WDR90: variants seen among roughly 807,000 people sequenced by gnomAD.
The protein encoded by WDR90 is WD repeat domain 90.
Under a neutral mutation model 195.2 loss-of-function variants are expected in WDR90, and 238 were observed. The observed-to-expected ratio is 1.22, with a 90% CI of 1.10 to 1.36. The LOEUF (loss-of-function observed/expected upper bound fraction) is 1.36, where lower values mean the gene tolerates loss of function less well. WDR90 is among the 40% of genes most tolerant of loss of function. The pLI is 0.00. For missense variants in WDR90, 2,734 were observed against 2,439.5 expected, an observed-to-expected ratio of 1.12 and a Z score of -2.54; for synonymous variants, 1,265 against 1,052.4, an observed-to-expected ratio of 1.20 and a Z score of -3.91.
In WDR90 at chr16:659,076, C is replaced by T. The variant is rs757221029; in HGVS notation, c.3012-10C>T. 1 of 1,613,196 alleles carries T rather than the reference C, an allele frequency of 6.2e-7. No individual in the cohort carries two copies. Among genetic ancestry groups the T allele is most frequent in the Non-Finnish European group, 8.5e-7 (1 of 1,179,978 alleles). ...AGGCCCTCCTGAAACCCTCTCTCCT[C>T]CCTCTCCAGCGACCAAAGCTTCCCC... On this transcript the variant is annotated splice_polypyrimidine_tract_variant and intron_variant, in intron 24 of 40. Transcript: ENST00000293879.
intron 19 of WDR90, 73 bp from the exon 20 acceptor site, chr16:657,018 G>C: frequency 6.4e-7 from 1 of 1,570,702 alleles, no homozygotes; most frequent in Non-Finnish European, 8.6e-7. Context: ...AGGCTGGTTG[G>C]CTGGAGGTCG....
rs375941033 is a variant in WDR90 at position 666,210 on chromosome 16, A to G, written c.4610-10A>G. ...GGCTGGGGGCTCACAGGGTGACGGC[A>G]TGGTCCCAGGTCAGACTGTCCTCTC... On this transcript the variant is annotated splice_polypyrimidine_tract_variant and intron_variant, in intron 36 of 40. Coordinates refer to ENST00000293879, the MANE Select transcript of WDR90 (RefSeq NM_145294.5). 6.2e-7 allele frequency: 1 copy of G among 1,609,396 alleles called. No individual in the cohort carries two copies. Among genetic ancestry groups the G allele is most frequent in the Admixed American group, 1.7e-5 (1 of 59,942 alleles).
At chr16:650,739 A>G (rs2037628664) in intron 5 of WDR90, 30 bp downstream of exon 5, 6 of 1,595,330 alleles carry the variant, frequency 3.8e-6, no homozygotes, top group African/African-American at 2.7e-5. Context: ...TCCCCACTCC[A>G]TATCTCACCC....
rs918186176 is a variant in WDR90 at position 652,145 on chromosome 16, C to T, written c.1053+106C>T. The T allele has an allele frequency of 4.5e-6, 6 of 1,319,496 alleles. No homozygotes were observed. In the African/African-American group the frequency reaches 8.8e-5, roughly 19 times the overall value. 81.7% of individuals were successfully genotyped at this position (1,319,496 alleles called of 1,614,324 possible). ...GAACGGATGTGCCTCCAACGGTCTCCTCTTGTTCAGCCTCCTGGCAAGGAG... is the reference window on the plus strand; with the variant it reads ...GAACGGATGTGCCTCCAACGGTCTCTTCTTGTTCAGCCTCCTGGCAAGGAG... On this transcript the variant is annotated intron_variant, in intron 9 of 40. Transcript: ENST00000293879.
rs768075938 is a variant in WDR90, at chr16:665,684, C to T, written c.4317C>T (p.Asn1439=). 2.0e-5 allele frequency: 33 copies of T among 1,612,544 alleles called. No homozygotes were observed. The highest frequency in any genetic ancestry group is 1.9e-4 in the South Asian group (17 of 91,096). ...RLISGHRSKV[N]EVVFSPGESH... ...CTAGCTACGGCTTCCCCCAGGTGAA[C>T]GAGGTGGTCTTCAGCCCCGGGGAGT... Residue 1439 remains asparagine, a synonymous_variant, in exon 35 of 41, where the codon AAC becomes AAT. Coordinates refer to ENST00000293879, the MANE Select transcript of WDR90 (RefSeq NM_145294.5).
intron 27 of WDR90, 191 bp from the exon 28 acceptor site, chr16:660,421 G>C: frequency 1.5e-6 from 1 of 657,592 alleles, no homozygotes; most frequent in South Asian, 1.9e-5. Flanking sequence ...AGAGCCCCAC[G>C]GGCCTGTGCC....
chr16:651,262 G>T lies in WDR90; in HGVS notation c.732G>T (p.Glu244Asp). The change falls in exon 7 of 41, where the codon GAG becomes GAT. Residue 244 changes from glutamate (E) to aspartate (D), a missense_variant. Coordinates refer to ENST00000293879, the MANE Select transcript of WDR90 (RefSeq NM_145294.5). The stretch of plus-strand genomic sequence containing the variant: ...TTGAGAAGAGCTGTTCCCCTCCTGA[G>T]GCAGGTGGGTCTGGGGGGTCAGCGG... ...KPIEKSCSPP[E>D]AVLLGPGPQP... 1 of 1,613,118 alleles carries T rather than the reference G, an allele frequency of 6.2e-7. No homozygotes were observed.
Position 655,905 on chromosome 16 carries a change from C to A in WDR90, c.1966+16C>A. 6.3e-7 allele frequency: 1 copy of A among 1,581,374 alleles called. No individual in the cohort carries two copies. Among genetic ancestry groups the A allele is most frequent in the Non-Finnish European group, 8.6e-7 (1 of 1,168,368 alleles). ...CTGGAGGCAGGTGATGCTGTGGGCACGCTCTCCCAACTCCGGGAGAGCCTC... is the reference window on the plus strand; with the variant it reads ...CTGGAGGCAGGTGATGCTGTGGGCAAGCTCTCCCAACTCCGGGAGAGCCTC... On this transcript the variant is annotated intron_variant, in intron 17 of 40. Coordinates refer to ENST00000293879, the MANE Select transcript of WDR90 (RefSeq NM_145294.5).
At chr16:665,362 C>T (rs1401912688) in intron 34 of WDR90, 1 of 551,292 alleles carries the variant, frequency 1.8e-6, no homozygotes, top group African/African-American at 2.0e-5. Context: ...TCCTGTCTTT[C>T]AGCCTCAGTC....
In WDR90 at chr16:655,296, A is replaced by G. The variant is rs777406856; in HGVS notation, c.1557-11A>G. On this transcript the variant is annotated splice_polypyrimidine_tract_variant and intron_variant, in intron 14 of 40. Coordinates refer to ENST00000293879, the MANE Select transcript of WDR90 (RefSeq NM_145294.5). The stretch of plus-strand genomic sequence containing the variant: ...CGAGCTGCGGCAGTGCTCAGTCCTC[A>G]TTCCTTGCAGGATGGCGTCGTGCGG... The G allele has an allele frequency of 1.9e-6, 3 of 1,608,072 alleles. No individual in the cohort carries two copies. Among genetic ancestry groups the G allele is most frequent in the Non-Finnish European group, 2.5e-6 (3 of 1,179,738 alleles).
rs1427333889 is a variant in WDR90, at chr16:649,825, G to T, written c.73G>T (p.Ala25Ser). The T allele has an allele frequency of 3.8e-6, 6 of 1,582,572 alleles. No homozygotes were observed. The highest frequency in any genetic ancestry group is 5.2e-6 in the Non-Finnish European group (6 of 1,164,934). ...HFRVDEWKRS[A>S]KQGDVAVVTD... is the part of the protein sequence containing the mutation. ...CCGGGTGGACGAGTGGAAGCGCTCC[G>T]CCAAGCAGGGGGACGTGGCCGTGGT... The change falls in exon 2 of 41, where the codon GCC (alanine) becomes TCC (serine). Residue 25 changes from alanine (A) to serine (S), a missense_variant. Transcript: ENST00000293879.
chr16:649,950 C>A, intron 2 of WDR90, 41 bp from the exon 3 acceptor site: 1 of 1,609,384 alleles, frequency 6.2e-7, no homozygotes, highest in South Asian at 1.1e-5. Flanking sequence ...CGCTGCACTT[C>A]TTCTGGGTGC....
rs1293351316 is a variant in WDR90, at chr16:651,070, G to A, written c.635G>A (p.Gly212Glu). ...PREMAFPVPK[G>E]ESWHDRYIHV... ...GAAATGGCATTCCCTGTGCCCAAGG[G>A]AGAGAGCTGGCATGACCGCTACATC... Residue 212 changes from glycine to glutamate, a missense_variant, in exon 6 of 41, where the codon GGA becomes GAA. By Grantham distance (98) the Gly-to-Glu change is moderately conservative (BLOSUM62 -2). Transcript: ENST00000293879. The A allele has an allele frequency of 1.9e-6, 3 of 1,612,496 alleles. No homozygotes were observed. Among genetic ancestry groups the A allele is most frequent in the South Asian group, 2.2e-5 (2 of 91,074 alleles).
At chr16:650,218 C>A in intron 3 of WDR90, 36 bp from the exon 4 acceptor site, 1 of 1,610,958 alleles carries the variant, frequency 6.2e-7, no homozygotes. Context: ...ACCCCTGCGG[C>A]CCCTGTCTCC....
chr16:667,297 C>A, intron 40 of WDR90, 135 bp from the exon 41 acceptor site: 2 of 1,232,960 alleles, frequency 1.6e-6, no homozygotes, highest in Non-Finnish European at 2.2e-6. Context: ...ACGTGGAGGG[C>A]ACAGCCAGGA....
Position 662,033 on chromosome 16 carries a change from C to G in WDR90, c.4007C>G (p.Ser1336Cys), listed in dbSNP as rs747681102. Residue 1336 changes from serine (S) to cysteine (C), a missense_variant, in exon 32 of 41, where the codon TCC becomes TGC. By Grantham distance (112) the Ser-to-Cys change is moderately radical. Transcript: ENST00000293879. The stretch of plus-strand genomic sequence containing the variant: ...ACGCGTGCCGGCCGCTGCTTCTTGT[C>G]CTGGGAGGCGGATGACGGTGGCATT... ...WDTRAGRCFL[S>C]WEADDGGIGL... 1 of 1,602,556 alleles carries G rather than the reference C, an allele frequency of 6.2e-7. No homozygotes were observed. The highest frequency in any genetic ancestry group is 1.7e-5 in the Admixed American group (1 of 60,004).
chr16:664,452 G>A (rs187411938), intron 34 of WDR90, among the ~76,000 whole-genome samples: 63 of 152,304 alleles, frequency 4.1e-4, no homozygotes, highest in Non-Finnish European at 7.9e-4. Context: ...CATCCACCAG[G>A]GCTGGGAAAT....
intron 20 of WDR90, chr16:657,487 C>G (rs939811858): frequency 1.4e-6 from 1 of 704,690 alleles, no homozygotes; most frequent in Non-Finnish European, 2.3e-6. Flanking sequence ...TGGAGTCAGA[C>G]CCAGGCATGG....
At chr16:656,021 G>T in intron 17 of WDR90, 132 bp downstream of exon 17, 1 of 1,136,930 alleles carries the variant, frequency 8.8e-7, no homozygotes, top group Non-Finnish European at 1.2e-6. Context: ...ACGGGGCCAA[G>T]TGGCATATCC....
Sources: gnomAD v4.1 joint callset for allele counts (sites outside exome capture counted in the v4.1 genomes callset) on GRCh38, gnomAD v4.1.1 for gene constraint, MANE v1.5 for transcripts, NCBI Gene and HGNC (gene_info 2026-07-23, HGNC 2026-07-21) for gene names.